Variants in UBE2F observed in about 807,000 individuals in gnomAD.
UBE2F encodes NEDD8-conjugating enzyme UBE2F.
UBE2F carries 5 observed loss-of-function variants against 29.6 expected under a neutral mutation model. The observed-to-expected ratio is 0.17, with a 90% confidence interval of 0.09 to 0.36. UBE2F has a LOEUF of 0.36. Among genes scored for constraint, UBE2F ranks in the 10% least tolerant of loss-of-function variants. The pLI, the probability that UBE2F is intolerant of heterozygous loss-of-function variation, is 1.00. For synonymous variants in UBE2F, 66 were observed against 81.8 expected, an observed-to-expected ratio of 0.81 and a Z score of 1.04; for missense variants, 141 against 228.5, an observed-to-expected ratio of 0.62 and a Z score of 2.47.
intron 6 of UBE2F, among the ~76,000 whole-genome samples, chr2:238,029,297 A>C (rs1416911021): frequency 2.0e-5 from 3 of 152,024 alleles, no homozygotes; most frequent in South Asian, 4.1e-4. Flanking sequence ...AAAAAAAAAA[A>C]CCCAGTTACG....
In UBE2F at chr2:237,967,028, C is replaced by T. The variant is rs1290751298; in HGVS notation, c.-121C>T. On this transcript the variant is annotated 5_prime_UTR_variant, in exon 1 of 10. Transcript: ENST00000272930. This position sits in a 1 kb window ranked among gnomAD's most constrained non-coding sequence, Gnocchi z 6.3. ...CCCGCCCCGCCACTTCCGGTCCCGC[C>T]GCCGGGAGCCGGTGCGGCTGTGAGG... 5 of 1,278,760 alleles carry T rather than the reference C, an allele frequency of 3.9e-6. No individual in the cohort carries two copies. Among genetic ancestry groups the T allele is most frequent in the South Asian group, 2.2e-5 (1 of 45,830 alleles). The allele number at this position is 1,278,760 out of a possible 1,614,324, so 79.2% of individuals were successfully genotyped here.
intron 4 of UBE2F, among the ~76,000 whole-genome samples, chr2:238,012,583 AG>A (rs1310446172): frequency 1.3e-5 from 2 of 152,236 alleles, no homozygotes; most frequent in Non-Finnish European, 2.9e-5. Flanking sequence ...CTCCAGATTC[AG>A]CCCATTCAGT....
At position 237,994,858 on chromosome 2, in the gene UBE2F, A is replaced by G. The variant is rs75756763; in HGVS notation, c.214+49A>G. The G allele has an allele frequency of 4.3e-3, 6,308 of 1,466,310 alleles. 230 individuals are homozygous for G. In the African/African-American group the frequency reaches 0.076, roughly 18 times the overall value. The allele number at this position is 1,466,310 out of a possible 1,614,324, so 90.8% of individuals were successfully genotyped here. A position where few individuals can be genotyped will look rare whatever the true frequency, so the allele number is the denominator to read the frequency against. On this transcript the variant is annotated intron_variant, in intron 4 of 9. Transcript: ENST00000272930. ...AAGTGATTTCAAACAGCGAATTATAAAGGCTGCCCAAACCTGTAATCTTTG... is the reference window on the plus strand; with the variant it reads ...AAGTGATTTCAAACAGCGAATTATAGAGGCTGCCCAAACCTGTAATCTTTG...
intron 8 of UBE2F, 197 bp downstream of exon 8, chr2:238,032,451 C>CA (rs201663579): frequency 0.05 from 26,930 of 542,056 alleles, 774 homozygotes; most frequent in South Asian, 0.068. Flanking sequence ...CCCATCTCTA[C>CA]AAAAAATAGA....
intron 3 of UBE2F, among the ~76,000 whole-genome samples, chr2:237,989,866 C>T (rs1469893165): frequency 6.6e-6 from 1 of 151,782 alleles, no homozygotes; most frequent in Non-Finnish European, 1.5e-5. Flanking sequence ...CGCCTATATT[C>T]CCAACACTTT....
At chr2:238,021,056 A>G (rs964631617) in intron 5 of UBE2F, among the ~76,000 whole-genome samples, 2 of 152,216 alleles carry the variant, frequency 1.3e-5, no homozygotes, top group Non-Finnish European at 2.9e-5. Flanking sequence ...GGTGTCACAC[A>G]GCCCTCAGGT....
intron 4 of UBE2F, among the ~76,000 whole-genome samples, chr2:237,997,165 T>C (rs527572404): frequency 6.6e-6 from 1 of 152,170 alleles, no homozygotes; most frequent in African/African-American, 2.4e-5. Flanking sequence ...GGGTGGAGGT[T>C]GCAGTGAGCT....
chr2:238,003,610 A>G (rs2063842131), intron 4 of UBE2F: 3 of 230,606 alleles, frequency 1.3e-5, no homozygotes, highest in South Asian at 1.1e-4. Flanking sequence ...AAAAATGTAT[A>G]TAGTGCGTAT....
chr2:238,004,501 GC>G, intron 4 of UBE2F, among the ~76,000 whole-genome samples: 1 of 151,888 alleles, frequency 6.6e-6, no homozygotes, highest in Non-Finnish European at 1.5e-5. Context: ...CTAGTCTATG[GC>G]TCGTCTTTAT....
chr2:238,011,123 G>C (rs2326006), intron 4 of UBE2F, among the ~76,000 whole-genome samples: 130,721 of 152,200 alleles, frequency 0.86, 56,291 homozygotes, highest in East Asian at 0.97. Flanking sequence ...ATGCTCCTGT[G>C]CCTCCCCTAC....
At chr2:237,971,503 TAGTAGAGAC>T (rs2106320650) in intron 1 of UBE2F, among the ~76,000 whole-genome samples, 1 of 152,250 alleles carries the variant, frequency 6.6e-6, no homozygotes, top group African/African-American at 2.4e-5. Flanking sequence ...TTTTGTATTT[TAGTAGAGAC>T]GGGGTTTCAC....
chr2:238,023,053 T>C (rs2064332911), intron 5 of UBE2F, among the ~76,000 whole-genome samples: 1 of 152,202 alleles, frequency 6.6e-6, no homozygotes, highest in African/African-American at 2.4e-5. Flanking sequence ...AGCACCAGGC[T>C]GCATGGTCAT....
At chr2:237,990,024 A>G (rs2063550658) in intron 3 of UBE2F, among the ~76,000 whole-genome samples, 1 of 150,474 alleles carries the variant, frequency 6.6e-6, no homozygotes, top group South Asian at 2.1e-4. Flanking sequence ...AGGCTGGGGC[A>G]AGAGAATTGC....
At chr2:238,011,721 T>C (rs1173464764) in intron 4 of UBE2F, among the ~76,000 whole-genome samples, 1 of 152,248 alleles carries the variant, frequency 6.6e-6, no homozygotes, top group East Asian at 1.9e-4. Flanking sequence ...AACAAAGGTC[T>C]GATACCAGTT....
Position 238,001,033 on chromosome 2 carries a change from C to CTTT in UBE2F, c.214+6240_214+6242dup, listed in dbSNP as rs371184007. Among the ~76,000 whole-genome samples the CTTT allele has an allele frequency of 7.3e-3, 811 of 111,782 alleles. 40 individuals carry two copies. Among genetic ancestry groups the CTTT allele is most frequent in the Admixed American group, 0.02 (185 of 9,216 alleles). The allele number at this position is 111,782 out of a possible 152,430, so 73.3% of individuals were successfully genotyped here. ...TTTATTTTTTGAGATAGAGTTTTGC[C>CTTT]TTTTTTTTTTTTTTTTTTGAGGTCA... is the stretch of plus-strand genomic sequence containing the variant. On this transcript the variant is annotated intron_variant, in intron 4 of 9. Coordinates refer to ENST00000272930, the MANE Select transcript of UBE2F (RefSeq NM_080678.3).
chr2:237,992,096 C>T (rs958936314), intron 3 of UBE2F, among the ~76,000 whole-genome samples: 7 of 152,050 alleles, frequency 4.6e-5, no homozygotes, highest in African/African-American at 1.7e-4. Context: ...GAACTCCTAA[C>T]CTCTGGTGAT....
At chr2:238,003,434 C>A in intron 4 of UBE2F, 1 of 470,572 alleles carries the variant, frequency 2.1e-6, no homozygotes, top group South Asian at 1.5e-5. Context: ...TCATCTGATA[C>A]AGAGACACCT....
chr2:238,004,837 G>A (rs2063868053), intron 4 of UBE2F, among the ~76,000 whole-genome samples: 1 of 152,186 alleles, frequency 6.6e-6, no homozygotes, highest in South Asian at 2.1e-4. Flanking sequence ...TGTGACAATG[G>A]AAGCAGGAAG....
intron 2 of UBE2F, among the ~76,000 whole-genome samples, chr2:237,976,992 A>G (rs1479116946): frequency 1.3e-5 from 2 of 152,128 alleles, no homozygotes; most frequent in African/African-American, 4.8e-5. Flanking sequence ...GCAGAATAGA[A>G]GTGCAAGTCC....
Sources: gnomAD v4.1 joint callset for allele counts (sites outside exome capture counted in the v4.1 genomes callset) on GRCh38, gnomAD v4.1.1 for gene constraint, Gnocchi (gnomAD v3.1) non-coding constraint, MANE v1.5 for transcripts, NCBI Gene and HGNC (gene_info 2026-07-23, HGNC 2026-07-21) for gene names.